Variants in PASD1 observed in about 807,000 individuals in gnomAD.
PASD1 encodes the protein PAS domain containing repressor 1.
In PASD1, 13 loss-of-function variants were observed where a neutral mutation model predicts 58.8. The observed-to-expected ratio is 0.22, with a 90% CI of 0.14 to 0.35. The LOEUF (loss-of-function observed/expected upper bound fraction) is 0.35, where lower values mean the gene tolerates loss of function less well. PASD1 is among the 10% of genes least tolerant of loss of function. PASD1 has a pLI of 1.00. For synonymous variants in PASD1, 236 were observed against 216.7 expected, an observed-to-expected ratio of 1.09 and a Z score of -0.78; for missense variants, 734 against 568.3, an observed-to-expected ratio of 1.29 and a Z score of -2.96.
At chrX:151,595,927 T>G (rs2013317526) in intron 1 of PASD1, among the ~76,000 whole-genome samples, 3 of 111,406 alleles carry the variant, frequency 2.7e-5, no homozygotes, top group Non-Finnish European at 5.6e-5. Flanking sequence ...GGTCTGGAAG[T>G]GCCCTCAGGT....
intron 8 of PASD1, among the ~76,000 whole-genome samples, chrX:151,626,613 T>A (rs892972823): frequency 1.8e-5 from 2 of 111,770 alleles, no homozygotes; most frequent in African/African-American, 6.5e-5. Flanking sequence ...GCAGTGTACA[T>A]GTACTGGTAA....
At chrX:151,665,709 T>G (rs1171934338) in intron 11 of PASD1, among the ~76,000 whole-genome samples, 1 of 111,167 alleles carries the variant, frequency 9.0e-6, no homozygotes, top group Non-Finnish European at 1.9e-5. Flanking sequence ...TAGCAAGTCC[T>G]CTCTCCTTCG....
At chrX:151,655,764 A>C (rs2014231875) in intron 9 of PASD1, among the ~76,000 whole-genome samples, 1 of 112,023 alleles carries the variant, frequency 8.9e-6, no homozygotes, top group Admixed American at 9.5e-5. Flanking sequence ...GCCCTTTGTC[A>C]GATGAGCAGG....
chrX:151,599,252 CTCTT>C (rs2013364570), intron 1 of PASD1, among the ~76,000 whole-genome samples: 1 of 112,834 alleles, frequency 8.9e-6, no homozygotes, highest in East Asian at 2.8e-4. Flanking sequence ...AATCTGATCT[CTCTT>C]TCTTTTCCCC....
chrX:151,653,497 A>C (rs2014162097), intron 9 of PASD1, among the ~76,000 whole-genome samples: 1 of 110,409 alleles, frequency 9.1e-6, no homozygotes, highest in Non-Finnish European at 1.9e-5. Context: ...TGGCCTTCTG[A>C]AAATATTCTG....
chrX:151,572,604 T>G (rs1247563586), intron 1 of PASD1, among the ~76,000 whole-genome samples: 1 of 111,847 alleles, frequency 8.9e-6, no homozygotes, highest in Non-Finnish European at 1.9e-5. Context: ...GTTTAAAAAG[T>G]TCTTTAATGA....
chrX:151,646,032 T>A (rs1334091586), intron 8 of PASD1, among the ~76,000 whole-genome samples: 1 of 110,656 alleles, frequency 9.0e-6, no homozygotes, highest in African/African-American at 3.3e-5. Context: ...CACTTCAGCC[T>A]CCTGAATAGC....
intron 8 of PASD1, among the ~76,000 whole-genome samples, chrX:151,639,768 C>G (rs767436408): frequency 3.0e-4 from 33 of 111,681 alleles, no homozygotes; most frequent in Admixed American, 6.7e-4. Context: ...TTGTGTCTCC[C>G]TCAGTACACA....
At chrX:151,610,511 TAA>T (rs1035363446) in intron 3 of PASD1, among the ~76,000 whole-genome samples, 6 of 112,059 alleles carry the variant, frequency 5.4e-5, no homozygotes, top group African/African-American at 1.9e-4. Context: ...ATAATTCCAA[TAA>T]GTTATTTTTA....
intron 2 of PASD1, among the ~76,000 whole-genome samples, chrX:151,604,263 G>T (rs996622860): frequency 1.8e-5 from 2 of 111,877 alleles, no homozygotes; most frequent in Non-Finnish European, 3.8e-5. Context: ...AATTTAGTTA[G>T]GACTAGGGAA....
At chrX:151,653,868 CTCTTTCTTTCTTTCTTTCTTTCTTTCTT>C (rs1222060384) in intron 9 of PASD1, among the ~76,000 whole-genome samples, 2 of 16,462 alleles carry the variant, frequency 1.2e-4, no homozygotes, top group African/African-American at 4.4e-4. Flanking sequence ...CCCTCCCTCC[CTCTTTCTTTCTTTCTTTCTTTCTTTCTT>C]TCTTTCTTTC....
At chrX:151,622,906 C>T (rs752672146) in intron 6 of PASD1, 31 bp from the exon 7 acceptor site, 1 of 1,184,968 alleles carries the variant, frequency 8.4e-7, no homozygotes, top group African/African-American at 1.8e-5. Flanking sequence ...GTCCACCTTT[C>T]TGTTTTCACA....
At chrX:151,638,200 A>G (rs996885747) in intron 8 of PASD1, among the ~76,000 whole-genome samples, 4 of 110,249 alleles carry the variant, frequency 3.6e-5, no homozygotes, top group African/African-American at 1.3e-4. Flanking sequence ...CAAGGACAGA[A>G]AACCAAACAC....
At chrX:151,581,500 G>C (rs1014572299) in intron 1 of PASD1, among the ~76,000 whole-genome samples, 2 of 109,792 alleles carry the variant, frequency 1.8e-5, no homozygotes, top group Non-Finnish European at 3.8e-5. Context: ...CTGAGGTAGA[G>C]TATCACTTGA....
intron 1 of PASD1, among the ~76,000 whole-genome samples, chrX:151,597,490 C>G (rs1457718056): frequency 9.0e-6 from 1 of 111,527 alleles, no homozygotes; most frequent in Non-Finnish European, 1.9e-5. Context: ...CTGCTTTTTA[C>G]TATGTTGTAT....
chrX:151,622,064 A>C (rs148573476), intron 6 of PASD1, among the ~76,000 whole-genome samples: 2 of 110,433 alleles, frequency 1.8e-5, no homozygotes, highest in East Asian at 5.8e-4. Flanking sequence ...GAAGTGATCA[A>C]TAAAGTTCTG....
chrX:151,653,746 CCTTCCTTCTTTCTTTCTTTCTTT>C (rs1569413629), intron 9 of PASD1, among the ~76,000 whole-genome samples: 16 of 39,899 alleles, frequency 4.0e-4, no homozygotes, highest in African/African-American at 9.6e-4. Context: ...CTCTTTCTTT[CCTTCCTTCTTTCTTTCTTTCTTT>C]CTTTCTTTCT....
At chrX:151,631,145 AT>A (rs2013861566) in intron 8 of PASD1, among the ~76,000 whole-genome samples, 1 of 112,194 alleles carries the variant, frequency 8.9e-6, no homozygotes, top group Non-Finnish European at 1.9e-5. Context: ...ACACAGTGCA[AT>A]TTGTTCTTTA....
intron 11 of PASD1, among the ~76,000 whole-genome samples, chrX:151,664,821 G>T (rs946462769): frequency 8.9e-6 from 1 of 111,975 alleles, no homozygotes; most frequent in African/African-American, 3.2e-5. Flanking sequence ...ATGCATTTCA[G>T]AGTCGTTAGA....
Sources: allele counts gnomAD v4.1 joint callset (sites outside exome capture counted in the v4.1 genomes callset), GRCh38; gene constraint gnomAD v4.1.1; transcripts MANE v1.5; gene names NCBI Gene and HGNC (gene_info 2026-07-23, HGNC 2026-07-21).